Variants in PCDHGA4 observed in about 807,000 individuals in gnomAD.
PCDHGA4 encodes the protein protocadherin gamma-A4.
PCDHGA4 carries 38 observed loss-of-function variants against 54.6 expected under a neutral mutation model. The observed-to-expected ratio is 0.70, with a 90% confidence interval of 0.54 to 0.91. The LOEUF is 0.91. Ranked by LOEUF, PCDHGA4 falls within the 40% of genes least tolerant of loss-of-function variation. The probability of loss-of-function intolerance (pLI) is 0.00; values close to 1 mark genes in which losing one functional copy is unlikely to be tolerated. For synonymous variants in PCDHGA4, 511 were observed against 512.9 expected, an observed-to-expected ratio of 1.00 and a Z score of 0.05; for missense variants, 1,298 against 1,220.9, an observed-to-expected ratio of 1.06 and a Z score of -0.94.
rs57426385 is a variant in PCDHGA4, at chr5:141,415,740, G to GTTTTTTTTTTTTT, written c.2514+58139_2514+58151dup. ...TGAGTAGAATTTGATGTTTATTAAGGTTTTTTTTTTTTTTTTTTTTTTTTT... is the reference window on the plus strand; with the variant it reads ...TGAGTAGAATTTGATGTTTATTAAGGTTTTTTTTTTTTTTTTTTTTTTTTTTTTTTTTTTTTTT... On this transcript the variant is annotated intron_variant, in intron 1 of 3. Coordinates refer to ENST00000571252, the MANE Select transcript of PCDHGA4 (RefSeq NM_018917.4). The GTTTTTTTTTTTTT allele has an allele frequency of 2.5e-4, 159 of 625,022 alleles. 3 individuals carry two copies. Among genetic ancestry groups the GTTTTTTTTTTTTT allele is most frequent in the Admixed American group, 5.7e-4 (8 of 14,124 alleles). 38.7% of individuals were successfully genotyped at this position (625,022 alleles called of 1,614,324 possible).
intron 1 of PCDHGA4, chr5:141,441,810 C>T (rs2098275091): frequency 6.4e-5 from 24 of 372,574 alleles, no homozygotes; most frequent in Middle Eastern, 7.2e-4. Flanking sequence ...GGTGCTGTAC[C>T]CCAGCTCTGG....
At chr5:141,445,938 G>A (rs2098482293) in intron 1 of PCDHGA4, among the ~76,000 whole-genome samples, 1 of 152,196 alleles carries the variant, frequency 6.6e-6, no homozygotes, top group Non-Finnish European at 1.5e-5. Flanking sequence ...GAATTATTAA[G>A]CTTACTCTGG....
intron 1 of PCDHGA4, chr5:141,389,555 G>A (rs755878042): frequency 1.2e-5 from 20 of 1,613,076 alleles, no homozygotes; most frequent in East Asian, 6.7e-5. Flanking sequence ...ACGACAATGC[G>A]CCACGGGTGC....
At chr5:141,374,401 T>C in intron 1 of PCDHGA4, 7 of 1,614,060 alleles carry the variant, frequency 4.3e-6, no homozygotes, top group Non-Finnish European at 5.1e-6. Flanking sequence ...TGGTGAGTTT[T>C]AACATCCTTG....
chr5:141,383,074 C>T, intron 1 of PCDHGA4: 3 of 1,613,886 alleles, frequency 1.9e-6, no homozygotes, highest in Non-Finnish European at 2.5e-6. Context: ...GCCCCGGGAG[C>T]TGGCGGAGCG....
chr5:141,370,825 AACTGGCTCTC>A (rs1767227314), intron 1 of PCDHGA4: 3 of 1,614,070 alleles, frequency 1.9e-6, no homozygotes, highest in Admixed American at 3.3e-5. Context: ...GAAATCAGCG[AACTGGCTCTC>A]ACTGGAGCCA....
Position 141,355,800 on chromosome 5 carries a change from A to G in PCDHGA4, c.693A>G (p.Leu231=), listed in dbSNP as rs759729781. ...CAGAGCTGGTGCTGGAACGCGCTCT[A>G]GATCGCGAGGAAGAGGCGGTTCACC... ...KYPELVLERA[L]DREEEAVHHL... is the part of the protein sequence containing the mutation. The change falls in exon 1 of 4, where the codon CTA becomes CTG. Residue 231 remains leucine (L), a synonymous_variant. Transcript: ENST00000571252. 1.2e-6 allele frequency: 2 copies of G among 1,613,580 alleles called. No homozygotes were observed. The highest frequency in any genetic ancestry group is 4.5e-5 in the East Asian group (2 of 44,874).
At chr5:141,385,719 G>A (rs970031267) in intron 1 of PCDHGA4, 6 of 232,964 alleles carry the variant, frequency 2.6e-5, no homozygotes, top group Non-Finnish European at 3.6e-5. Context: ...ATATGTAAAA[G>A]GTTCTGAAAG....
intron 1 of PCDHGA4, chr5:141,478,781 A>G: frequency 6.7e-7 from 1 of 1,485,388 alleles, no homozygotes; most frequent in Non-Finnish European, 9.0e-7. Flanking sequence ...TGTGGACCTA[A>G]TTCACATCCT....
At chr5:141,395,547 TGTGTGTG>T (rs1561655273) in intron 1 of PCDHGA4, 9,050 of 174,290 alleles carry the variant, frequency 0.052, 489 homozygotes, top group Middle Eastern at 0.08. Context: ...ATTGTTTGTG[TGTGTGTG>T]TGTGTGTGTG....
chr5:141,410,167 T>A (rs372848702), intron 1 of PCDHGA4: 1 of 1,613,770 alleles, frequency 6.2e-7, no homozygotes, highest in South Asian at 1.1e-5. Flanking sequence ...CGCCACTCTC[T>A]GCCACCGCCA....
Position 141,385,136 on chromosome 5 carries a change from T to C in PCDHGA4, c.2514+27515T>C, listed in dbSNP as rs760226388. The C allele has an allele frequency of 1.2e-6, 2 of 1,614,180 alleles. No individual in the cohort carries two copies. Among genetic ancestry groups the C allele is most frequent in the Middle Eastern group, 1.6e-4 (1 of 6,062 alleles). ...TCGCACTTTGTGGGCATGGACGGGG[T>C]GCAGGCTTTCCTGCAGACCTATTCC... On this transcript the variant is annotated intron_variant, in intron 1 of 3. Transcript: ENST00000571252.
intron 1 of PCDHGA4, among the ~76,000 whole-genome samples, chr5:141,448,430 T>C (rs1468604001): frequency 6.6e-6 from 1 of 152,186 alleles, no homozygotes; most frequent in African/African-American, 2.4e-5. Flanking sequence ...TATGTATATA[T>C]TGAGAAGTCT....
intron 1 of PCDHGA4, 116 bp downstream of exon 1, chr5:141,357,737 T>G: frequency 7.7e-7 from 1 of 1,301,834 alleles, no homozygotes. Flanking sequence ...AATATTTTAT[T>G]GCTTTAAAGA....
intron 1 of PCDHGA4, chr5:141,405,039 C>T (rs1227328278): frequency 1.2e-6 from 2 of 1,613,880 alleles, no homozygotes; most frequent in Non-Finnish European, 1.7e-6. Flanking sequence ...CTCGTTGTGG[C>T]TGTGGCAGTC....
intron 2 of PCDHGA4, among the ~76,000 whole-genome samples, chr5:141,495,377 G>A (rs558501090): frequency 1.9e-4 from 29 of 152,330 alleles, no homozygotes; most frequent in Admixed American, 6.5e-4. Flanking sequence ...ACTGAGGAAG[G>A]ACTGGGCGGG....
intron 1 of PCDHGA4, chr5:141,365,296 G>A: frequency 1.2e-6 from 2 of 1,614,002 alleles, no homozygotes; most frequent in Non-Finnish European, 1.7e-6. Context: ...TGGTAGCTCA[G>A]GATGGAGGCG....
chr5:141,445,991 T>C (rs532620580), intron 1 of PCDHGA4, among the ~76,000 whole-genome samples: 147 of 152,168 alleles, frequency 9.7e-4, no homozygotes, highest in Admixed American at 3.4e-3. Context: ...TAAATAGAAA[T>C]AGGAAGATAA....
intron 1 of PCDHGA4, chr5:141,410,202 A>C (rs766392835): frequency 1.3e-5 from 21 of 1,614,018 alleles, no homozygotes; most frequent in Non-Finnish European, 1.6e-5. Context: ...TTCGCAGACA[A>C]CTTGCAAGAG....
Sources: gnomAD v4.1 joint callset for allele counts (sites outside exome capture counted in the v4.1 genomes callset) on GRCh38, gnomAD v4.1.1 for gene constraint, MANE v1.5 for transcripts, NCBI Gene and HGNC (gene_info 2026-07-23, HGNC 2026-07-21) for gene names.